Variants in ASMTL observed in about 807,000 individuals in gnomAD.
ASMTL encodes acetylserotonin O-methyltransferase like.
In ASMTL, 57 loss-of-function variants were observed where a neutral mutation model predicts 60.3. That is an observed-to-expected ratio of 0.95 (90% CI 0.76 to 1.18). The LOEUF is 1.18. Ranked by LOEUF, ASMTL falls within the 50% of genes most tolerant of loss-of-function variation. ASMTL has a pLI of 0.00. For synonymous variants in ASMTL, 419 were observed against 373.0 expected, an observed-to-expected ratio of 1.12 and a Z score of -1.42; for missense variants, 981 against 852.6, an observed-to-expected ratio of 1.15 and a Z score of -1.88.
intron 8 of ASMTL, among the ~76,000 whole-genome samples, chrX:1,424,665 GATCC>G (rs1420168999): frequency 7.8e-6 from 1 of 128,166 alleles, no homozygotes; most frequent in Non-Finnish European, 1.7e-5. Context: ...CCGATTCATC[GATCC>G]ATCCATCCAT....
intron 1 of ASMTL, among the ~76,000 whole-genome samples, chrX:1,443,352 CG>C (rs1331794277): frequency 2.1e-5 from 1 of 47,258 alleles, no homozygotes; most frequent in Non-Finnish European, 7.4e-5. Flanking sequence ...GGACAGACAC[CG>C]CCATCTTGGA....
chrX:1,452,690 C>G, intron 1 of ASMTL, 58 bp downstream of exon 1: 1 of 1,442,576 alleles, frequency 6.9e-7, no homozygotes, highest in Non-Finnish European at 9.4e-7. Flanking sequence ...TCGCTGGGCC[C>G]TCCGGGGTTC....
intron 9 of ASMTL, among the ~76,000 whole-genome samples, chrX:1,419,796 C>T (rs541100307): frequency 7.9e-5 from 12 of 152,298 alleles, no homozygotes; most frequent in South Asian, 6.2e-4. Context: ...CCCTCCCCTG[C>T]GTGGGTGGCA....
At chrX:1,431,728 CAT>C (rs2090795477) in intron 6 of ASMTL, among the ~76,000 whole-genome samples, 1 of 148,830 alleles carries the variant, frequency 6.7e-6, no homozygotes, top group South Asian at 2.1e-4. Context: ...AAATATATAT[CAT>C]GTTACATTAT....
chrX:1,434,998 C>T (rs753101510), intron 5 of ASMTL, 24 bp downstream of exon 5: 1 of 1,613,326 alleles, frequency 6.2e-7, no homozygotes, highest in Non-Finnish European at 8.5e-7. Context: ...TCTGGGGCTA[C>T]CCCGAAACCT....
chrX:1,447,690 T>A (rs1379601916), intron 1 of ASMTL, among the ~76,000 whole-genome samples: 3 of 150,938 alleles, frequency 2.0e-5, no homozygotes, highest in African/African-American at 7.3e-5. Context: ...AGCACCACCA[T>A]CTTGGACACA....
At chrX:1,417,018 AAC>A (rs1330377079) in intron 11 of ASMTL, among the ~76,000 whole-genome samples, 41 of 50,128 alleles carry the variant, frequency 8.2e-4, no homozygotes, top group Admixed American at 6.3e-3. Context: ...CAGACTCAGA[AAC>A]ACACAGAGAC....
At chrX:1,440,359 G>C (rs1196016316) in intron 2 of ASMTL, among the ~76,000 whole-genome samples, 4 of 152,014 alleles carry the variant, frequency 2.6e-5, no homozygotes, top group African/African-American at 9.7e-5. Context: ...CAAAGTGCTG[G>C]GATGACAGGT....
chrX:1,432,699 G>T (rs1391944216), intron 5 of ASMTL, among the ~76,000 whole-genome samples: 1 of 151,998 alleles, frequency 6.6e-6, no homozygotes, highest in African/African-American at 2.4e-5. Flanking sequence ...CCTGGTAGTA[G>T]GTGCCTGTAG....
intron 1 of ASMTL, among the ~76,000 whole-genome samples, chrX:1,445,432 T>TA (rs1284161566): frequency 6.6e-6 from 1 of 152,166 alleles, no homozygotes; most frequent in Non-Finnish European, 1.5e-5. Flanking sequence ...TTGAATTTTT[T>TA]ATTGCAATAG....
At chrX:1,414,289 G>T (rs1873412862) in intron 11 of ASMTL, among the ~76,000 whole-genome samples, 1 of 152,196 alleles carries the variant, frequency 6.6e-6, no homozygotes, top group African/African-American at 2.4e-5. Context: ...CTGCAGGACA[G>T]GGAGAGGATA....
At chrX:1,411,165 C>A (rs1243911966) in intron 12 of ASMTL, among the ~76,000 whole-genome samples, 6 of 151,760 alleles carry the variant, frequency 4.0e-5, no homozygotes, top group African/African-American at 1.5e-4. Context: ...GCCTGGGCGA[C>A]AGAGCGAGAC....
At chrX:1,427,442 G>A (rs368111145) in intron 7 of ASMTL, among the ~76,000 whole-genome samples, 86 of 151,790 alleles carry the variant, frequency 5.7e-4, no homozygotes, top group African/African-American at 2.1e-3. Context: ...CCAATGACAG[G>A]TGTCCTTCTA....
At chrX:1,445,299 C>T (rs748063405) in intron 1 of ASMTL, among the ~76,000 whole-genome samples, 7 of 152,262 alleles carry the variant, frequency 4.6e-5, no homozygotes, top group East Asian at 1.9e-4. Flanking sequence ...CAGACACTCT[C>T]GGCTTCCTTT....
rs1164535606 is a variant in ASMTL at position 1,403,474 on chromosome X, A to C, written c.1661T>G (p.Leu554Arg). The C allele has an allele frequency of 6.2e-7, 1 of 1,612,992 alleles. No individual in the cohort carries two copies. ...CTCCTCATCCAGGAGCGTCTCCACC[A>C]GCAGCAGGCCGGCCCCTGAGGGAGA... The part of the protein sequence containing the change: ...ESCKPGAGLL[L>R]VETLLDEEKR... Residue 554 changes from leucine to arginine, a missense_variant, in exon 13 of 13, where the codon CTG becomes CGG. Physicochemically the swap from Leu to Arg is moderately radical, Grantham distance 102. Transcript: ENST00000381317.
chrX:1,417,121 A>C (rs1425113801), intron 11 of ASMTL, among the ~76,000 whole-genome samples: 1 of 151,880 alleles, frequency 6.6e-6, no homozygotes, highest in South Asian at 2.1e-4. Context: ...ACCCAGACAC[A>C]TGCACACAGA....
chrX:1,426,430 G>A (rs1300514890), intron 7 of ASMTL, among the ~76,000 whole-genome samples: 13 of 152,010 alleles, frequency 8.6e-5, no homozygotes, highest in Non-Finnish European at 1.8e-4. Context: ...CAAAGCCTGC[G>A]TCCCTCCTGC....
At chrX:1,406,135 G>T (rs1181596557) in intron 12 of ASMTL, among the ~76,000 whole-genome samples, 1 of 150,148 alleles carries the variant, frequency 6.7e-6, no homozygotes, top group South Asian at 2.1e-4. Flanking sequence ...TGTATAGATG[G>T]ATGCATGGAT....
intron 2 of ASMTL, 112 bp from the exon 3 acceptor site, chrX:1,439,256 T>G: frequency 1.8e-6 from 2 of 1,110,234 alleles, no homozygotes; most frequent in Non-Finnish European, 2.7e-6. Flanking sequence ...CCAGGCCGAC[T>G]TTGGAAGTGA....
Sources: gnomAD v4.1 joint callset for allele counts (sites outside exome capture counted in the v4.1 genomes callset) on GRCh38, gnomAD v4.1.1 for gene constraint, MANE v1.5 for transcripts, NCBI Gene and HGNC (gene_info 2026-07-23, HGNC 2026-07-21) for gene names.